The following PTPRM variants were observed in gnomAD, a reference collection of about 807,000 sequenced individuals.
PTPRM encodes protein tyrosine phosphatase receptor type M, also known as receptor-type tyrosine-protein phosphatase mu.
PTPRM carries 47 observed loss-of-function variants against 186.7 expected under a neutral mutation model. The observed-to-expected ratio is 0.25, with a 90% CI of 0.20 to 0.32. The LOEUF (loss-of-function observed/expected upper bound fraction) is 0.32, where lower values mean the gene tolerates loss of function less well. PTPRM is among the 10% of genes least tolerant of loss of function. The probability of loss-of-function intolerance (pLI) is 1.00; values close to 1 mark genes in which losing one functional copy is unlikely to be tolerated. For missense variants in PTPRM, 1,494 were observed against 1,865.0 expected (o/e 0.80, Z 3.66); for synonymous variants, 668 against 674.9 (o/e 0.99, Z 0.16).
chr18:8,024,877 T>A (rs1222407727), intron 7 of PTPRM, among the ~76,000 whole-genome samples: 1 of 151,854 alleles, frequency 6.6e-6, no homozygotes. Context: ...AGAGACAGTG[T>A]TTCACCATGT....
At chr18:8,112,903 A>G (rs976004720) in intron 11 of PTPRM, among the ~76,000 whole-genome samples, 1 of 152,224 alleles carries the variant, frequency 6.6e-6, no homozygotes, top group Admixed American at 6.5e-5. Context: ...TTTTGAAACT[A>G]TAATCCCTTA....
chr18:7,965,471 A>C (rs9955097), intron 7 of PTPRM, among the ~76,000 whole-genome samples: 3,153 of 152,086 alleles, frequency 0.021, 98 homozygotes, highest in African/African-American at 0.072. Context: ...TACCCCAGGA[A>C]GGTAGGTGAA....
intron 2 of PTPRM, among the ~76,000 whole-genome samples, chr18:7,884,753 T>C (rs1195254528): frequency 2.0e-5 from 3 of 149,768 alleles, no homozygotes; most frequent in African/African-American, 7.4e-5. Context: ...TGAAACCTTG[T>C]CTCTACTAAA....
intron 1 of PTPRM, among the ~76,000 whole-genome samples, chr18:7,603,095 T>A (rs1384793699): frequency 2.6e-5 from 4 of 151,526 alleles, no homozygotes; most frequent in African/African-American, 9.7e-5. Flanking sequence ...GCCTGGCTAA[T>A]TTTTTTGTAT....
intron 22 of PTPRM, among the ~76,000 whole-genome samples, chr18:8,338,518 C>T (rs534572583): frequency 5.2e-4 from 79 of 152,106 alleles, no homozygotes; most frequent in Non-Finnish European, 9.6e-4. Flanking sequence ...TCAAATGAGG[C>T]GGTATGATGT....
At chr18:8,336,191 A>AAACCTGTAGGTTTTT (rs1389275194) in intron 22 of PTPRM, among the ~76,000 whole-genome samples, 1 of 152,194 alleles carries the variant, frequency 6.6e-6, no homozygotes, top group Non-Finnish European at 1.5e-5. Context: ...ATTCCAGCCC[A>AAACCTGTAGGTTTTT]AACCTGTAGG....
chr18:7,983,259 C>T (rs2082655489), intron 7 of PTPRM, among the ~76,000 whole-genome samples: 1 of 151,970 alleles, frequency 6.6e-6, no homozygotes, highest in African/African-American at 2.4e-5. Context: ...CTATTATGAA[C>T]TGTGCATGCG....
In PTPRM at chr18:8,294,825, G is replaced by T. The variant is rs2095078830; in HGVS notation, c.2755-1543G>T. 2.0e-5 allele frequency among the ~76,000 whole-genome samples: 3 copies of T among 152,108 alleles called. No individual in the cohort carries two copies. In the South Asian group the frequency reaches 6.2e-4, roughly 32 times the overall value. On this transcript the variant is annotated intron_variant, in intron 19 of 32. Coordinates refer to ENST00000580170, the MANE Select transcript of PTPRM (RefSeq NM_001105244.2). ...AGTGTTATTTTTTTCAGTCTTCTGT[G>T]TTGTGTTTTAAAATGGTGTTGCTCA...
At chr18:7,660,513 C>T (rs1300580055) in intron 1 of PTPRM, among the ~76,000 whole-genome samples, 1 of 152,110 alleles carries the variant, frequency 6.6e-6, no homozygotes, top group Non-Finnish European at 1.5e-5. Context: ...TTCCTGCTAC[C>T]CCTATGGATC....
chr18:7,926,695 C>A lies in PTPRM; in HGVS notation c.663+12C>A, dbSNP rs180968668. The stretch of plus-strand genomic sequence containing the variant: ...GGCTCTGGTTACAGGTACAGTAACT[C>A]ATTTTCATCAGTTGATGAGAGTCCA... On this transcript the variant is annotated intron_variant, in intron 5 of 32. Transcript: ENST00000580170. 3.0e-4 allele frequency: 485 copies of A among 1,594,788 alleles called. No individual in the cohort carries two copies. The highest frequency in any genetic ancestry group is 1.0e-3 in the Admixed American group (58 of 57,432).
chr18:7,867,085 G>T (rs2047745111), intron 2 of PTPRM, among the ~76,000 whole-genome samples: 1 of 152,142 alleles, frequency 6.6e-6, no homozygotes, highest in African/African-American at 2.4e-5. Context: ...TTGAGCCTAT[G>T]TGTGTCTTTG....
chr18:8,243,254 T>C (rs530078982), intron 14 of PTPRM, among the ~76,000 whole-genome samples: 2 of 152,310 alleles, frequency 1.3e-5, no homozygotes, highest in South Asian at 4.1e-4. Flanking sequence ...TCCAAAAGAA[T>C]TAGAAATCTC....
chr18:8,315,129 C>T (rs1232207899), intron 21 of PTPRM, among the ~76,000 whole-genome samples: 1 of 152,194 alleles, frequency 6.6e-6, no homozygotes, highest in Non-Finnish European at 1.5e-5. Flanking sequence ...CTCAAGGTAG[C>T]CCATTCGTTG....
intron 5 of PTPRM, among the ~76,000 whole-genome samples, chr18:7,945,188 TCA>T (rs1160471092): frequency 6.6e-6 from 1 of 151,580 alleles, no homozygotes; most frequent in Non-Finnish European, 1.5e-5. Context: ...GCGTGGTGGC[TCA>T]CGCCTGTAAT....
intron 22 of PTPRM, among the ~76,000 whole-genome samples, chr18:8,329,071 A>G (rs2095396120): frequency 6.6e-6 from 1 of 152,248 alleles, no homozygotes; most frequent in South Asian, 2.1e-4. Flanking sequence ...TTAATACAGA[A>G]TAATTTGAAA....
chr18:8,376,018 C>A, intron 24 of PTPRM, 28 bp from the exon 25 acceptor site: 1 of 1,592,244 alleles, frequency 6.3e-7, no homozygotes, highest in South Asian at 1.1e-5. Context: ...TTGTTCTCTT[C>A]CTTGTTCTGG....
chr18:8,210,834 G>A (rs186162785), intron 14 of PTPRM, among the ~76,000 whole-genome samples: 3 of 152,306 alleles, frequency 2.0e-5, no homozygotes, highest in Admixed American at 1.3e-4. Flanking sequence ...AAAGCAAACT[G>A]AAGGCATTGC....
chr18:7,756,935 G>T (rs763807433), intron 1 of PTPRM, among the ~76,000 whole-genome samples: 9 of 152,156 alleles, frequency 5.9e-5, no homozygotes, highest in Non-Finnish European at 1.2e-4. Flanking sequence ...GTGGACCCCA[G>T]CTTGGCCTGT....
At chr18:7,876,835 C>T (rs986938544) in intron 2 of PTPRM, among the ~76,000 whole-genome samples, 1 of 152,186 alleles carries the variant, frequency 6.6e-6, no homozygotes, top group Non-Finnish European at 1.5e-5. Context: ...AACTGAGAGG[C>T]AGCTTAGTAT....
Sources: gnomAD v4.1 joint callset for allele counts (sites outside exome capture counted in the v4.1 genomes callset) on GRCh38, gnomAD v4.1.1 for gene constraint, MANE v1.5 for transcripts, NCBI Gene and HGNC (gene_info 2026-07-23, HGNC 2026-07-21) for gene names.